Variants in USP54 observed in about 807,000 individuals in gnomAD.
USP54 encodes the protein ubiquitin carboxyl-terminal hydrolase 54.
USP54 carries 87 observed loss-of-function variants against 170.5 expected under a neutral mutation model. That is an observed-to-expected ratio of 0.51 (90% CI 0.43 to 0.61). The LOEUF (loss-of-function observed/expected upper bound fraction) is 0.61, where lower values mean the gene tolerates loss of function less well. Ranked by LOEUF, USP54 falls within the 20% of genes least tolerant of loss-of-function variation. The pLI, the probability that USP54 is intolerant of heterozygous loss-of-function variation, is 0.00. For missense variants in USP54, 1,786 were observed against 2,047.8 expected, an observed-to-expected ratio of 0.87 and a Z score of 2.47; for synonymous variants, 655 against 742.8, an observed-to-expected ratio of 0.88 and a Z score of 1.92.
rs745798307 is a variant in USP54, at chr10:73,534,461, C to T, written c.1315+139G>A. On this transcript the variant is annotated intron_variant, in intron 12 of 23. Coordinates refer to ENST00000687698, the MANE Select transcript of USP54 (RefSeq NM_001391956.1). The stretch of plus-strand genomic sequence containing the variant: ...TCTCCTTACCTCATGATCCACCCAC[C>T]TTGGCCGCCCGCCTCGGCCTCCCAA... The T allele has an allele frequency of 3.4e-6, 3 of 890,654 alleles. No homozygotes were observed. The African/African-American group carries it at 5.0e-5, about 15-fold the overall frequency. 55.2% of individuals were successfully genotyped at this position (890,654 alleles called of 1,614,324 possible).
At chr10:73,528,948 T>C (rs1451965494) in intron 15 of USP54, 1 of 152,042 alleles carries the variant, frequency 6.6e-6, no homozygotes, top group Non-Finnish European at 1.5e-5. Flanking sequence ...GCAAGAGGAG[T>C]TAAAATCTAC....
chr10:73,530,966 G>A, intron 12 of USP54, 131 bp from the exon 13 acceptor site: 1 of 1,287,836 alleles, frequency 7.8e-7, no homozygotes, highest in Non-Finnish European at 1.1e-6. Context: ...GTAGGGCATA[G>A]GCTATCTGAT....
At chr10:73,623,455 G>A (rs2081247011) in intron 1 of USP54, among the ~76,000 whole-genome samples, 1 of 151,428 alleles carries the variant, frequency 6.6e-6, no homozygotes, top group Non-Finnish European at 1.5e-5. Context: ...CCAGGAGTTT[G>A]AGACCAGCCT....
chr10:73,607,157 A>C (rs1051502699), intron 1 of USP54, among the ~76,000 whole-genome samples: 1 of 151,592 alleles, frequency 6.6e-6, no homozygotes, highest in African/African-American at 2.4e-5. Context: ...AAAAAATACA[A>C]AAATTAGCCA....
rs144554517 is a variant in USP54 at position 73,536,427 on chromosome 10, T to C, written c.986A>G (p.Lys329Arg). 7.3e-5 allele frequency: 113 copies of C among 1,549,646 alleles called. No individual in the cohort carries two copies. In the African/African-American group the frequency reaches 1.2e-3, roughly 17 times the overall value. The part of the protein sequence containing the change: ...DDAHVKEIGP[K>R]WKDVVTKCIK... ...GCATTTGGTCACCACATCCTTCCAT[T>C]TGGGCCCAATCTGAACCAGAAACAA... Residue 329 changes from lysine to arginine, a missense_variant, in exon 11 of 24, where the codon AAA becomes AGA. Coordinates refer to ENST00000687698, the MANE Select transcript of USP54 (RefSeq NM_001391956.1).
In USP54 at chr10:73,543,025, A is replaced by T. The variant is rs2133529317; in HGVS notation, c.482T>A (p.Phe161Tyr). ...ISHQKFAMTL[F>Y]EQCVCTSCGA... Reference sequence around the variant, plus strand: ...GATGGAGCTAGAGTTCACCTGCTCAAACAATGTCATTGCAAATTTCTGATG... The same window carrying T: ...GATGGAGCTAGAGTTCACCTGCTCATACAATGTCATTGCAAATTTCTGATG... The change falls in exon 6 of 24, where the codon TTT becomes TAT. Residue 161 changes from phenylalanine to tyrosine, a missense_variant. Physicochemically the swap from Phe to Tyr is conservative, Grantham distance 22 (BLOSUM62 3). This residue lies in a region of USP54 where 361 missense variants were observed against 455.0 expected (regional missense o/e 0.79). Transcript: ENST00000687698. The T allele has an allele frequency of 2.5e-6, 4 of 1,614,072 alleles. No individual in the cohort carries two copies. In the East Asian group the frequency reaches 8.9e-5, roughly 36 times the overall value.
chr10:73,587,981 C>A (rs534103011), intron 1 of USP54, among the ~76,000 whole-genome samples: 1 of 152,210 alleles, frequency 6.6e-6, no homozygotes, highest in East Asian at 1.9e-4. Flanking sequence ...GGGCCAGGTA[C>A]AAAACAGGAA....
intron 4 of USP54, among the ~76,000 whole-genome samples, chr10:73,566,885 G>T (rs1423185609): frequency 2.0e-5 from 3 of 151,572 alleles, no homozygotes; most frequent in Non-Finnish European, 4.4e-5. Flanking sequence ...TTTTTGTTTT[G>T]TTTTGTTTTG....
chr10:73,606,175 C>CAAAAAAAAAAAAAAAAAAA (rs1178699732), intron 1 of USP54, among the ~76,000 whole-genome samples: 4 of 25,622 alleles, frequency 1.6e-4, no homozygotes, highest in South Asian at 1.4e-3. Context: ...GAGGCTGTCT[C>CAAAAAAAAAAAAAAAAAAA]AAAAAAAAAA....
intron 20 of USP54, among the ~76,000 whole-genome samples, chr10:73,511,341 T>A (rs2060173883): frequency 7.0e-6 from 1 of 142,410 alleles, no homozygotes; most frequent in African/African-American, 2.8e-5. Flanking sequence ...AATAAAGCAT[T>A]TTTTTTTTTT....
Position 73,498,371 on chromosome 10 carries a change from G to A in USP54, c.*258C>T, listed in dbSNP as rs142582494. 1.4e-3 allele frequency: 329 copies of A among 229,506 alleles called. No individual in the cohort carries two copies. The highest frequency in any genetic ancestry group is 7.1e-3 in the African/African-American group (316 of 44,214). 14.2% of individuals were successfully genotyped at this position (229,506 alleles called of 1,614,324 possible). A position where few individuals can be genotyped will look rare whatever the true frequency, so the allele number is the denominator to read the frequency against. ...GCTCACTGCAACCTCTGCCTCCCGG[G>A]TTCAAGCAATTCTCCTGCCTCAGCC... On this transcript the variant is annotated 3_prime_UTR_variant, in exon 24 of 24. Transcript: ENST00000687698.
intron 1 of USP54, among the ~76,000 whole-genome samples, chr10:73,616,335 C>CAAAAAAAAAAA (rs60197778): frequency 3.9e-5 from 1 of 25,776 alleles, no homozygotes; most frequent in African/African-American, 1.8e-4. Flanking sequence ...GACTCCATCT[C>CAAAAAAAAAAA]AAAAAAAAAA....
chr10:73,589,981 C>A (rs1157094466), intron 1 of USP54, among the ~76,000 whole-genome samples: 1 of 152,162 alleles, frequency 6.6e-6, no homozygotes, highest in South Asian at 2.1e-4. Context: ...AATTGAGTGA[C>A]CTTCAGCAGA....
chr10:73,530,301 A>T lies in USP54; in HGVS notation c.1670T>A (p.Ile557Lys). 1 of 1,613,992 alleles carries T rather than the reference A, an allele frequency of 6.2e-7. No individual in the cohort carries two copies. Among genetic ancestry groups the T allele is most frequent in the Non-Finnish European group, 8.5e-7 (1 of 1,180,006 alleles). ...TTTTGACTCACTGCTGGTACTCTCT[A>T]TTTCCCAGTCACGAGAGTGTAAAGG... is the stretch of plus-strand genomic sequence containing the variant. Reference protein sequence around the residue: ...TLPLHSRDWEIESTSSESKSS... With the variant: ...TLPLHSRDWEKESTSSESKSS... Residue 557 changes from isoleucine (I) to lysine (K), a missense_variant, in exon 14 of 24, where the codon ATA (isoleucine) becomes AAA (lysine). Physicochemically the swap from Ile to Lys is moderately radical, Grantham distance 102. Coordinates refer to ENST00000687698, the MANE Select transcript of USP54 (RefSeq NM_001391956.1).
intron 4 of USP54, among the ~76,000 whole-genome samples, chr10:73,561,638 T>C (rs1043929817): frequency 6.6e-6 from 1 of 152,122 alleles, no homozygotes; most frequent in Non-Finnish European, 1.5e-5. Context: ...GTTATCACAG[T>C]TGAAATGCAG....
At chr10:73,512,023 G>A (rs567633125) in intron 20 of USP54, among the ~76,000 whole-genome samples, 2 of 152,082 alleles carry the variant, frequency 1.3e-5, no homozygotes, top group African/African-American at 4.8e-5. Flanking sequence ...TGGGATTACA[G>A]GCGTGAGCCA....
At chr10:73,523,533 C>T in intron 17 of USP54, 50 bp downstream of exon 17, 1 of 1,470,300 alleles carries the variant, frequency 6.8e-7, no homozygotes, top group South Asian at 1.5e-5. Context: ...TTTTTTTCTA[C>T]CCTTTCTGTC....
At position 73,498,565 on chromosome 10, in the gene USP54, C is replaced by T. The variant is rs2990139; in HGVS notation, c.*64G>A. 268 of 1,465,668 alleles carry T rather than the reference C, an allele frequency of 1.8e-4. 1 individual carries two copies. In the East Asian group the frequency reaches 5.0e-3, roughly 28 times the overall value. 90.8% of individuals were successfully genotyped at this position (1,465,668 alleles called of 1,614,324 possible). Reference sequence around the variant, plus strand: ...CTGGGATTACAGGTGTGAGCCACCGCGCCCGGCCCACAGTACAGTTTTACA... The same window carrying T: ...CTGGGATTACAGGTGTGAGCCACCGTGCCCGGCCCACAGTACAGTTTTACA... On this transcript the variant is annotated 3_prime_UTR_variant, in exon 24 of 24. Coordinates refer to ENST00000687698, the MANE Select transcript of USP54 (RefSeq NM_001391956.1).
intron 1 of USP54, chr10:73,606,384 A>G (rs1181917882): frequency 6.6e-6 from 1 of 151,960 alleles, no homozygotes; most frequent in African/African-American, 2.4e-5. Context: ...GTCCCAGCCA[A>G]TCAGGAGGCT....
Sources: gnomAD v4.1 joint callset for allele counts (sites outside exome capture counted in the v4.1 genomes callset) on GRCh38, gnomAD v4.1.1 for gene constraint, gnomAD v4.1.1 regional missense constraint, MANE v1.5 for transcripts, NCBI Gene and HGNC (gene_info 2026-07-23, HGNC 2026-07-21) for gene names.